KCNQ3: variants seen among roughly 807,000 people sequenced by gnomAD.
The protein encoded by KCNQ3 is potassium voltage-gated channel subfamily Q member 3.
Under a neutral mutation model 92.5 loss-of-function variants are expected in KCNQ3, and 30 were observed. The ratio of observed to expected loss-of-function variants is 0.32; its 90% CI spans 0.24 to 0.44. The LOEUF (loss-of-function observed/expected upper bound fraction) is 0.44, where lower values mean the gene tolerates loss of function less well. KCNQ3 is among the 20% of genes least tolerant of loss of function. KCNQ3 has a pLI of 1.00. For synonymous variants in KCNQ3, 450 were observed against 468.8 expected, an observed-to-expected ratio of 0.96 and a Z score of 0.52; for missense variants, 913 against 1,140.3, an observed-to-expected ratio of 0.80 and a Z score of 2.87.
chr8:132,356,685 C>A (rs1819027344), intron 1 of KCNQ3, among the ~76,000 whole-genome samples: 1 of 152,170 alleles, frequency 6.6e-6, no homozygotes, highest in Admixed American at 6.5e-5. Context: ...AATTGCTTTA[C>A]AACCCAGAGG....
rs565830680 is a variant in KCNQ3 at position 132,139,068 on chromosome 8, A to ATGAT, written c.1568+1004_1568+1007dup. Reference sequence around the variant, plus strand: ...TGTCTATGGCTGCTTTTGTGCTACAATGATAGAGCTGAACACTTGCAGCAG... The same window carrying ATGAT: ...TGTCTATGGCTGCTTTTGTGCTACAATGATTGATAGAGCTGAACACTTGCAGCAG... On this transcript the variant is annotated intron_variant, in intron 11 of 14. Transcript: ENST00000388996. Among the ~76,000 whole-genome samples, 1,033 of 152,338 alleles carry ATGAT rather than the reference A, an allele frequency of 6.8e-3. 10 individuals are homozygous for ATGAT. The highest frequency in any genetic ancestry group is 7.5e-3 in the Non-Finnish European group (507 of 68,032).
chr8:132,456,417 A>G (rs1821939175), intron 1 of KCNQ3, among the ~76,000 whole-genome samples: 1 of 152,010 alleles, frequency 6.6e-6, no homozygotes, highest in Admixed American at 6.6e-5. Context: ...TATGTTTCAT[A>G]CAGTGACACT....
chr8:132,154,580 C>T (rs1473335668), intron 9 of KCNQ3, among the ~76,000 whole-genome samples: 1 of 152,218 alleles, frequency 6.6e-6, no homozygotes, highest in East Asian at 1.9e-4. Context: ...ATGCAGGAGG[C>T]TGGTAAGGTC....
intron 1 of KCNQ3, among the ~76,000 whole-genome samples, chr8:132,455,997 C>T (rs920891051): frequency 4.0e-5 from 6 of 151,890 alleles, no homozygotes; most frequent in East Asian, 1.9e-4. Context: ...CGCCCACCTC[C>T]GCCTCCCAAA....
At chr8:132,447,190 C>A (rs974904373) in intron 1 of KCNQ3, 1 of 1,534,696 alleles carries the variant, frequency 6.5e-7, no homozygotes, top group African/African-American at 1.4e-5. Flanking sequence ...AATGAGAATC[C>A]AAAGACTTAC....
chr8:132,140,950 G>C (rs1318205190), intron 10 of KCNQ3, 179 bp downstream of exon 10: 1 of 648,580 alleles, frequency 1.5e-6, no homozygotes, highest in South Asian at 1.8e-5. Flanking sequence ...ACATCACAAT[G>C]CCTCAGCCCA....
At chr8:132,292,348 G>C (rs758994358) in intron 1 of KCNQ3, among the ~76,000 whole-genome samples, 2 of 152,160 alleles carry the variant, frequency 1.3e-5, no homozygotes, top group Non-Finnish European at 2.9e-5. Flanking sequence ...CCAATCTTAG[G>C]AGTATGAGGT....
At chr8:132,305,280 C>T (rs1238620878) in intron 1 of KCNQ3, among the ~76,000 whole-genome samples, 1 of 152,184 alleles carries the variant, frequency 6.6e-6, no homozygotes, top group African/African-American at 2.4e-5. Flanking sequence ...GCTAATACTA[C>T]AAATTGATGT....
chr8:132,298,862 G>A (rs1817129210), intron 1 of KCNQ3, among the ~76,000 whole-genome samples: 1 of 151,998 alleles, frequency 6.6e-6, no homozygotes, highest in African/African-American at 2.4e-5. Context: ...GAGCCGAGAT[G>A]GCACCATTGC....
intron 1 of KCNQ3, among the ~76,000 whole-genome samples, chr8:132,242,520 T>TA (rs1815029310): frequency 6.6e-6 from 1 of 152,198 alleles, no homozygotes; most frequent in African/African-American, 2.4e-5. Context: ...TTCCAGAGCT[T>TA]AAGTTCAACA....
rs1248439257 is a variant in KCNQ3 at position 132,261,899 on chromosome 8, T to C, written c.387-75718A>G. ...TGGGCACAAAGTTTAAGAGGGTACT[T>C]GTGCACAAATGCTCATAACAGCATT... is the stretch of plus-strand genomic sequence containing the variant. On this transcript the variant is annotated intron_variant, in intron 1 of 14. Transcript: ENST00000388996. 2.0e-5 allele frequency among the ~76,000 whole-genome samples: 3 copies of C among 152,168 alleles called. No homozygotes were observed. In the East Asian group the frequency reaches 5.8e-4, roughly 29 times the overall value.
intron 1 of KCNQ3, among the ~76,000 whole-genome samples, chr8:132,391,824 C>G (rs575274495): frequency 4.5e-4 from 68 of 152,270 alleles, no homozygotes; most frequent in Non-Finnish European, 6.9e-4. Context: ...GCTTGCAATA[C>G]AGATGCCCAT....
At chr8:132,402,150 G>A (rs1303251047) in intron 1 of KCNQ3, among the ~76,000 whole-genome samples, 2 of 152,214 alleles carry the variant, frequency 1.3e-5, no homozygotes, top group Non-Finnish European at 2.9e-5. Flanking sequence ...CTTGCCCAGA[G>A]AGCGTGTCCG....
chr8:132,138,106 G>A, intron 11 of KCNQ3, 90 bp from the exon 12 acceptor site: 1 of 1,456,824 alleles, frequency 6.9e-7, no homozygotes, highest in Non-Finnish European at 9.5e-7. Flanking sequence ...GGCAGGGGGA[G>A]AAAAGAACCA....
rs971711083 is a variant in KCNQ3 at position 132,435,711 on chromosome 8, T to G, written c.386+44436A>C. Among the ~76,000 whole-genome samples, 17 of 151,964 alleles carry G rather than the reference T, an allele frequency of 1.1e-4. No individual in the cohort carries two copies. The South Asian group carries it at 3.1e-3, about 28-fold the overall frequency. On this transcript the variant is annotated intron_variant, in intron 1 of 14. Coordinates refer to ENST00000388996, the MANE Select transcript of KCNQ3 (RefSeq NM_004519.4). ...TCCAAATTAAAATTTATATTTATAT[T>G]TATTTAATTATTTTATTTTATTAAG...
chr8:132,152,235 C>A (rs1244140707), intron 9 of KCNQ3, among the ~76,000 whole-genome samples: 2 of 152,110 alleles, frequency 1.3e-5, no homozygotes, highest in African/African-American at 4.8e-5. Context: ...GAATATCAAG[C>A]AAAACAAGAG....
chr8:132,246,069 A>G (rs1049786030), intron 1 of KCNQ3, among the ~76,000 whole-genome samples: 7 of 152,156 alleles, frequency 4.6e-5, no homozygotes, highest in African/African-American at 1.7e-4. Context: ...TTCCCAAAAC[A>G]TTAACCTTGA....
intron 6 of KCNQ3, 93 bp downstream of exon 6, chr8:132,174,146 G>A: frequency 3.4e-6 from 3 of 881,500 alleles, no homozygotes; most frequent in Non-Finnish European, 3.7e-6. Flanking sequence ...GGGTATAAGA[G>A]GATAGAAGAT....
chr8:132,405,885 T>C (rs1264049088), intron 1 of KCNQ3, among the ~76,000 whole-genome samples: 1 of 152,118 alleles, frequency 6.6e-6, no homozygotes, highest in Admixed American at 6.6e-5. Flanking sequence ...ACAGCTCCTG[T>C]CCTGAACTGT....
Sources: allele counts gnomAD v4.1 joint callset (sites outside exome capture counted in the v4.1 genomes callset), GRCh38; gene constraint gnomAD v4.1.1; transcripts MANE v1.5; gene names NCBI Gene and HGNC (gene_info 2026-07-23, HGNC 2026-07-21).